PDE10A: variants seen among roughly 807,000 people sequenced by gnomAD.
PDE10A encodes phosphodiesterase 10A, also known as cAMP and cAMP-inhibited cGMP 3',5'-cyclic phosphodiesterase 10A.
PDE10A carries 39 observed loss-of-function variants against 97.7 expected under a neutral mutation model. The observed-to-expected ratio is 0.40, with a 90% CI of 0.31 to 0.52. The LOEUF (loss-of-function observed/expected upper bound fraction) is 0.52. PDE10A is among the 20% of genes least tolerant of loss of function. The pLI is 0.56. For synonymous variants in PDE10A, 371 were observed against 376.8 expected, an observed-to-expected ratio of 0.98 and a Z score of 0.18; for missense variants, 731 against 1,047.8, an observed-to-expected ratio of 0.70 and a Z score of 4.17.
chr6:165,540,334 GT>G (rs550297880), intron 2 of PDE10A, among the ~76,000 whole-genome samples: 174 of 152,030 alleles, frequency 1.1e-3, no homozygotes, highest in African/African-American at 3.9e-3. Flanking sequence ...GCTTACAGGT[GT>G]TTTTTTCTTT....
chr6:165,720,824 T>C (rs909617063), intron 1 of PDE10A, among the ~76,000 whole-genome samples: 2 of 152,086 alleles, frequency 1.3e-5, no homozygotes, highest in African/African-American at 4.8e-5. Flanking sequence ...TCTCCAGAAA[T>C]GGAAGGTGGT....
chr6:165,584,622 T>G (rs1235262246), intron 1 of PDE10A, among the ~76,000 whole-genome samples: 1 of 152,186 alleles, frequency 6.6e-6, no homozygotes, highest in Non-Finnish European at 1.5e-5. Context: ...GTTTGGCCCC[T>G]TGTCCTAATC....
chr6:165,417,355 T>C lies in PDE10A; in HGVS notation c.1797-1074A>G, dbSNP rs1038675016. Among the ~76,000 whole-genome samples, 13 of 152,350 alleles carry C rather than the reference T, an allele frequency of 8.5e-5. No individual in the cohort carries two copies. The East Asian group carries it at 2.3e-3, about 27-fold the overall frequency. ...GTTGGTCTGAGAGCAGTCTGAACTA[T>C]AACTTTTGTTCATGCTCTCTGTGGT... On this transcript the variant is annotated intron_variant, in intron 11 of 21. Transcript: ENST00000539869.
At chr6:165,359,129 C>T (rs1271253071) in intron 18 of PDE10A, among the ~76,000 whole-genome samples, 3 of 151,804 alleles carry the variant, frequency 2.0e-5, no homozygotes, top group Non-Finnish European at 4.4e-5. Flanking sequence ...TTGCTTGAAC[C>T]ACTCATTCAT....
chr6:165,860,394 G>T (rs1031365718), intron 1 of PDE10A, among the ~76,000 whole-genome samples: 1 of 152,224 alleles, frequency 6.6e-6, no homozygotes, highest in Admixed American at 6.5e-5. Context: ...AGAGGTTGCG[G>T]TGAGCCGAGA....
chr6:165,517,779 GT>G (rs1421829295), intron 2 of PDE10A, among the ~76,000 whole-genome samples: 1 of 152,194 alleles, frequency 6.6e-6, no homozygotes, highest in African/African-American at 2.4e-5. Context: ...TCATGCTGAG[GT>G]CAGTGGTGGT....
intron 6 of PDE10A, among the ~76,000 whole-genome samples, chr6:165,434,355 A>C (rs1293832069): frequency 6.6e-6 from 1 of 151,766 alleles, no homozygotes; most frequent in Non-Finnish European, 1.5e-5. Context: ...TGGAAAAACC[A>C]AAATTAAAAC....
intron 1 of PDE10A, among the ~76,000 whole-genome samples, chr6:165,824,417 C>A (rs570021740): frequency 6.6e-6 from 1 of 152,282 alleles, no homozygotes; most frequent in East Asian, 1.9e-4. Context: ...TTGCTTTGGG[C>A]AACAATTATA....
chr6:165,611,601 CAACTT>C (rs1787498125), intron 1 of PDE10A, among the ~76,000 whole-genome samples: 1 of 152,236 alleles, frequency 6.6e-6, no homozygotes, highest in African/African-American at 2.4e-5. Flanking sequence ...CTCTCTCTCT[CAACTT>C]AACCTCTGAG....
chr6:165,371,294 G>T (rs1255537698), intron 18 of PDE10A, among the ~76,000 whole-genome samples: 1 of 151,990 alleles, frequency 6.6e-6, no homozygotes, highest in Non-Finnish European at 1.5e-5. Flanking sequence ...TCCAGGAGCT[G>T]GTTTTTTGAA....
intron 1 of PDE10A, among the ~76,000 whole-genome samples, chr6:165,892,323 C>G (rs947677257): frequency 2.0e-5 from 3 of 152,180 alleles, no homozygotes; most frequent in Admixed American, 2.0e-4. Flanking sequence ...AGGCTGGACT[C>G]CCCCCTCTTC....
chr6:165,971,124 G>C (rs1224880598), intron 1 of PDE10A, among the ~76,000 whole-genome samples: 1 of 150,088 alleles, frequency 6.7e-6, no homozygotes. Context: ...CTCCAGCCTA[G>C]GCAACAGAGG....
chr6:165,542,831 G>A (rs1272758122), intron 2 of PDE10A, among the ~76,000 whole-genome samples: 2 of 151,842 alleles, frequency 1.3e-5, no homozygotes, highest in African/African-American at 4.8e-5. Flanking sequence ...TGTTAGCTAG[G>A]ATGGTCTCGA....
chr6:165,350,068 T>G (rs1049109145), intron 18 of PDE10A, among the ~76,000 whole-genome samples: 2 of 152,124 alleles, frequency 1.3e-5, no homozygotes, highest in Non-Finnish European at 2.9e-5. Flanking sequence ...GGCAGTGCCT[T>G]GTGGAGCTGT....
intron 1 of PDE10A, among the ~76,000 whole-genome samples, chr6:165,960,723 C>T (rs1014641766): frequency 2.0e-5 from 3 of 152,146 alleles, no homozygotes; most frequent in Non-Finnish European, 2.9e-5. Flanking sequence ...GCTAGAATCG[C>T]CAGTGACCCA....
chr6:165,354,587 A>C (rs1031841607), intron 18 of PDE10A, among the ~76,000 whole-genome samples: 1 of 152,222 alleles, frequency 6.6e-6, no homozygotes, highest in Non-Finnish European at 1.5e-5. Flanking sequence ...TTATTTCTAC[A>C]ACTGAGGTAA....
intron 13 of PDE10A, among the ~76,000 whole-genome samples, chr6:165,412,636 G>C (rs141100630): frequency 6.6e-6 from 1 of 151,908 alleles, no homozygotes; most frequent in African/African-American, 2.4e-5. Context: ...AATTAAAAAC[G>C]GTTACCCTCG....
chr6:165,625,951 A>C (rs777916707), intron 1 of PDE10A, among the ~76,000 whole-genome samples: 5 of 152,220 alleles, frequency 3.3e-5, no homozygotes, highest in Admixed American at 2.0e-4. Flanking sequence ...TTTGCAGATC[A>C]ACTTGTGAGT....
At position 165,661,670 on chromosome 6, in the gene PDE10A, T is replaced by TCGCAACGTCCAAGCTCCCGCC; in HGVS notation, c.865+256_865+276dup. The TCGCAACGTCCAAGCTCCCGCC allele has an allele frequency of 2.4e-6, 1 of 416,148 alleles. No individual in the cohort carries two copies. The highest frequency in any genetic ancestry group is 4.2e-6 in the Non-Finnish European group (1 of 237,048). The allele number at this position is 416,148 out of a possible 1,614,324, so 25.8% of individuals were successfully genotyped here. On this transcript the variant is annotated intron_variant, in intron 1 of 21. Coordinates refer to ENST00000539869, the MANE Select transcript of PDE10A (RefSeq NM_001385079.1). This position sits in a 1 kb window ranked among gnomAD's most constrained non-coding sequence, Gnocchi z 4.8. Reference sequence around the variant, plus strand: ...CGGAGAAGGAGGCGGCAGGTCCCGCTCGCAACGTCCAAGCTCCCGCCGCCC... The same window carrying TCGCAACGTCCAAGCTCCCGCC: ...CGGAGAAGGAGGCGGCAGGTCCCGCTCGCAACGTCCAAGCTCCCGCCCGCAACGTCCAAGCTCCCGCCGCCC...
Sources: gnomAD v4.1 joint callset for allele counts (sites outside exome capture counted in the v4.1 genomes callset) on GRCh38, gnomAD v4.1.1 for gene constraint, Gnocchi (gnomAD v3.1) non-coding constraint, MANE v1.5 for transcripts, NCBI Gene and HGNC (gene_info 2026-07-23, HGNC 2026-07-21) for gene names.